The following RALGPS1 variants were observed in gnomAD, a reference collection of about 807,000 sequenced individuals.
The protein encoded by RALGPS1 is Ral GEF with PH domain and SH3 binding motif 1.
In RALGPS1, 19 loss-of-function variants were observed where a neutral mutation model predicts 78.8. That is an observed-to-expected ratio of 0.24 (90% CI 0.17 to 0.35). The LOEUF (loss-of-function observed/expected upper bound fraction) is 0.35, where lower values mean the gene tolerates loss of function less well. Among genes scored for constraint, RALGPS1 ranks in the 10% least tolerant of loss-of-function variants. The pLI is 1.00. For synonymous variants in RALGPS1, 228 were observed against 256.3 expected, an observed-to-expected ratio of 0.89 and a Z score of 1.06; for missense variants, 454 against 688.3, an observed-to-expected ratio of 0.66 and a Z score of 3.81.
chr9:127,069,523 G>A, intron 8 of RALGPS1, 167 bp downstream of exon 8: 1 of 683,100 alleles, frequency 1.5e-6, no homozygotes, highest in South Asian at 1.9e-5. Context: ...ACTTCCCAAG[G>A]TTGGAAACCT....
intron 7 of RALGPS1, among the ~76,000 whole-genome samples, chr9:127,064,600 C>G (rs368515839): frequency 5.3e-5 from 8 of 152,186 alleles, no homozygotes; most frequent in African/African-American, 1.9e-4. Flanking sequence ...CATATACTTA[C>G]CAATGTGCTT....
At chr9:127,204,208 C>G (rs1387486812) in intron 14 of RALGPS1, among the ~76,000 whole-genome samples, 1 of 152,046 alleles carries the variant, frequency 6.6e-6, no homozygotes, top group Non-Finnish European at 1.5e-5. Context: ...ACTCTGTTTT[C>G]CAGGCTGGAG....
intron 4 of RALGPS1, among the ~76,000 whole-genome samples, chr9:127,019,816 G>C (rs1008024029): frequency 5.3e-5 from 8 of 151,942 alleles, no homozygotes; most frequent in African/African-American, 1.7e-4. Context: ...TGTCATGGGG[G>C]GTTTGTTGTT....
At chr9:127,085,111 G>C (rs756637768) in intron 8 of RALGPS1, among the ~76,000 whole-genome samples, 1 of 152,142 alleles carries the variant, frequency 6.6e-6, no homozygotes, top group South Asian at 2.1e-4. Context: ...TTACGGGGAG[G>C]GGGTCTTTTT....
intron 4 of RALGPS1, among the ~76,000 whole-genome samples, chr9:126,994,553 A>G (rs1377972421): frequency 6.7e-6 from 1 of 149,230 alleles, no homozygotes; most frequent in African/African-American, 2.5e-5. Context: ...TCTACGTCTG[A>G]TTGGTGTACC....
intron 14 of RALGPS1, among the ~76,000 whole-genome samples, chr9:127,201,380 A>C (rs1180194649): frequency 1.3e-5 from 2 of 152,192 alleles, no homozygotes; most frequent in East Asian, 3.9e-4. Flanking sequence ...GGAGGATGCC[A>C]GTGGGCCTGC....
chr9:127,028,326 A>G (rs984023254), intron 4 of RALGPS1, among the ~76,000 whole-genome samples: 24 of 152,216 alleles, frequency 1.6e-4, no homozygotes, highest in Admixed American at 4.6e-4. Context: ...CATCACTTCT[A>G]CCATCCACTA....
At chr9:127,037,227 C>A (rs1280501432) in intron 5 of RALGPS1, among the ~76,000 whole-genome samples, 1 of 152,186 alleles carries the variant, frequency 6.6e-6, no homozygotes, top group Non-Finnish European at 1.5e-5. Flanking sequence ...AAGGTTAAGA[C>A]CAGACCAACA....
chr9:127,045,474 G>GT (rs1432882890), intron 5 of RALGPS1, among the ~76,000 whole-genome samples: 18 of 152,138 alleles, frequency 1.2e-4, no homozygotes, highest in African/African-American at 4.3e-4. Context: ...CATTATCCCT[G>GT]TGTACTGGAA....
chr9:127,069,480 G>C, intron 8 of RALGPS1, 124 bp downstream of exon 8: 1 of 1,138,380 alleles, frequency 8.8e-7, no homozygotes, highest in Non-Finnish European at 1.2e-6. Context: ...AGAGGCAATT[G>C]GTTGGCTCTT....
chr9:127,107,944 C>G (rs1564593071), intron 8 of RALGPS1: 1 of 1,541,416 alleles, frequency 6.5e-7, no homozygotes, highest in African/African-American at 1.4e-5. Flanking sequence ...AGATGGGAGG[C>G]TGGTGAGAGT....
At chr9:127,164,534 C>CTTTTT (rs1160251459) in intron 8 of RALGPS1, among the ~76,000 whole-genome samples, 8 of 62,798 alleles carry the variant, frequency 1.3e-4, no homozygotes, top group East Asian at 1.0e-3. Flanking sequence ...CATGCCTGGC[C>CTTTTT]TTTTTTTTTT....
intron 8 of RALGPS1, among the ~76,000 whole-genome samples, chr9:127,095,288 C>A (rs2052991693): frequency 6.6e-6 from 1 of 152,110 alleles, no homozygotes; most frequent in Non-Finnish European, 1.5e-5. Context: ...ATCCCAGCTA[C>A]CCGGGAGGGT....
rs951862908 is a variant in RALGPS1, at chr9:127,211,575, C to T, written c.1248-556C>T. 6.6e-6 allele frequency among the ~76,000 whole-genome samples: 1 copy of T among 152,058 alleles called. No individual in the cohort carries two copies. The highest frequency in any genetic ancestry group is 1.5e-5 in the Non-Finnish European group (1 of 68,006). ...CAGGAGGGAGGTGTGGGCTGCCATG[C>T]CCTTGGACGCCTTCATCTGTAGGTG... On this transcript the variant is annotated intron_variant, in intron 14 of 18. Coordinates refer to ENST00000259351, the MANE Select transcript of RALGPS1 (RefSeq NM_014636.3). The surrounding 1 kb of genome is among the most constrained non-coding windows in gnomAD (Gnocchi z 5.0).
At chr9:127,150,195 A>T (rs954940624) in intron 8 of RALGPS1, among the ~76,000 whole-genome samples, 2 of 152,142 alleles carry the variant, frequency 1.3e-5, no homozygotes, top group Non-Finnish European at 2.9e-5. Context: ...CACCATTCCC[A>T]GCATTCTTTT....
intron 7 of RALGPS1, among the ~76,000 whole-genome samples, chr9:127,055,274 A>G (rs1262128192): frequency 1.3e-5 from 2 of 152,048 alleles, no homozygotes; most frequent in East Asian, 3.8e-4. Context: ...GCTGGAGTGC[A>G]GTGGCCTGAA....
In RALGPS1 at chr9:126,971,662, A is replaced by G. The variant is rs373339738; in HGVS notation, c.165+5711A>G. ...TATTCCCCTGAGCCCTTCCTGAGGA[A>G]TCTATGAGAGAATGAATCTTAGATA... On this transcript the variant is annotated intron_variant, in intron 3 of 18. Transcript: ENST00000259351. Among the ~76,000 whole-genome samples the G allele has an allele frequency of 3.9e-5, 6 of 152,352 alleles. No individual in the cohort carries two copies. The East Asian group carries it at 5.8e-4, about 15-fold the overall frequency.
intron 8 of RALGPS1, among the ~76,000 whole-genome samples, chr9:127,147,004 T>C (rs2058133202): frequency 6.6e-6 from 1 of 152,228 alleles, no homozygotes; most frequent in Admixed American, 6.5e-5. Context: ...CAACTGTGTA[T>C]GTGTTCCCTT....
chr9:126,953,652 C>T (rs1246189360), intron 1 of RALGPS1, among the ~76,000 whole-genome samples: 1 of 152,172 alleles, frequency 6.6e-6, no homozygotes, highest in East Asian at 1.9e-4. Flanking sequence ...TCACCTGACA[C>T]CACATAAGTG....
Sources: allele counts gnomAD v4.1 joint callset (sites outside exome capture counted in the v4.1 genomes callset), GRCh38; gene constraint gnomAD v4.1.1; non-coding constraint Gnocchi (gnomAD v3.1); transcripts MANE v1.5; gene names NCBI Gene and HGNC (gene_info 2026-07-23, HGNC 2026-07-21).